NELL1: variants seen among roughly 807,000 people sequenced by gnomAD.
NELL1 encodes the protein protein kinase C-binding protein NELL1.
Under a neutral mutation model 107.4 loss-of-function variants are expected in NELL1, and 76 were observed. That is an observed-to-expected ratio of 0.71 (90% CI 0.59 to 0.86). NELL1 has a LOEUF of 0.86. Ranked by LOEUF, NELL1 falls within the 40% of genes least tolerant of loss-of-function variation. The pLI, the probability that NELL1 is intolerant of heterozygous loss-of-function variation, is 0.00. For synonymous variants in NELL1, 353 were observed against 341.2 expected, an observed-to-expected ratio of 1.03 and a Z score of -0.38; for missense variants, 1,024 against 1,005.5, an observed-to-expected ratio of 1.02 and a Z score of -0.25.
intron 7 of NELL1, among the ~76,000 whole-genome samples, chr11:20,923,056 C>T (rs745855979): frequency 2.0e-5 from 3 of 152,094 alleles, no homozygotes; most frequent in Non-Finnish European, 4.4e-5. Context: ...ATCACAAAGT[C>T]TGGTAGAGCC....
rs142121746 is a variant in NELL1 at position 21,267,394 on chromosome 11, A to G, written c.1549+37940A>G. Among the ~76,000 whole-genome samples, 739 of 152,232 alleles carry G rather than the reference A, an allele frequency of 4.9e-3. 7 individuals are homozygous for G. The highest frequency in any genetic ancestry group is 0.017 in the African/African-American group (707 of 41,562). ...AATTTAGTCTTCAAAATATAGTTCA[A>G]AATAGTTTTTATGTTAGATTAACCA... On this transcript the variant is annotated intron_variant, in intron 14 of 19. Transcript: ENST00000357134.
intron 15 of NELL1, among the ~76,000 whole-genome samples, chr11:21,469,034 G>T (rs768898473): frequency 2.6e-5 from 4 of 151,656 alleles, no homozygotes; most frequent in Non-Finnish European, 4.4e-5. Flanking sequence ...TGTTTTGCCA[G>T]ATTCAATTCA....
intron 12 of NELL1, among the ~76,000 whole-genome samples, chr11:21,069,677 T>A (rs913290386): frequency 6.6e-6 from 1 of 152,230 alleles, no homozygotes; most frequent in Non-Finnish European, 1.5e-5. Context: ...ACTAGATTTT[T>A]GGTTTGAAGT....
At chr11:21,083,158 T>C (rs1409752660) in intron 12 of NELL1, among the ~76,000 whole-genome samples, 1 of 152,134 alleles carries the variant, frequency 6.6e-6, no homozygotes, top group Non-Finnish European at 1.5e-5. Context: ...TCAGTATGTG[T>C]TTTTATGGGG....
rs1462698045 is a variant in NELL1 at position 21,107,347 on chromosome 11, CA to C, written c.1301-6239del. 3.3e-5 allele frequency among the ~76,000 whole-genome samples: 5 copies of C among 151,946 alleles called. No homozygotes were observed. In the East Asian group the frequency reaches 9.6e-4, roughly 29 times the overall value. On this transcript the variant is annotated intron_variant, in intron 12 of 19. Transcript: ENST00000357134. The stretch of plus-strand genomic sequence containing the variant: ...CAATTAAAAAAAAATCAGTATGACA[CA>C]AAGGGAAAGTAGTGATTGTTCTAAT...
chr11:21,291,197 C>T (rs1371507463), intron 14 of NELL1, among the ~76,000 whole-genome samples: 2 of 152,096 alleles, frequency 1.3e-5, no homozygotes, highest in Non-Finnish European at 2.9e-5. Flanking sequence ...GTGAAGCACA[C>T]ACAAGTATCA....
At chr11:21,393,638 C>A (rs1367210581) in intron 15 of NELL1, among the ~76,000 whole-genome samples, 2 of 151,664 alleles carry the variant, frequency 1.3e-5, no homozygotes, top group East Asian at 2.0e-4. Flanking sequence ...GACAGGAAAG[C>A]ATTGCTCTAA....
chr11:21,212,246 ATACT>A (rs1857513483), intron 13 of NELL1, among the ~76,000 whole-genome samples: 1 of 152,188 alleles, frequency 6.6e-6, no homozygotes, highest in South Asian at 2.1e-4. Flanking sequence ...GATGACAATA[ATACT>A]TAATTGATAT....
intron 3 of NELL1, among the ~76,000 whole-genome samples, chr11:20,812,398 T>C (rs1857519638): frequency 6.6e-6 from 1 of 152,216 alleles, no homozygotes; most frequent in Admixed American, 6.5e-5. Context: ...CTGTAGTTTA[T>C]GTTATTGTTT....
In NELL1 at chr11:21,523,099, G is replaced by C. The variant is rs184094939; in HGVS notation, c.1646-11275G>C. On this transcript the variant is annotated intron_variant, in intron 15 of 19. Coordinates refer to ENST00000357134, the MANE Select transcript of NELL1 (RefSeq NM_006157.5). Reference sequence around the variant, plus strand: ...CCTGACCTCGTGATCCGCCCGCCTCGGCATCCCAAAGAGCTGGGATTACAG... The same window carrying C: ...CCTGACCTCGTGATCCGCCCGCCTCCGCATCCCAAAGAGCTGGGATTACAG... 2.9e-4 allele frequency among the ~76,000 whole-genome samples: 44 copies of C among 151,848 alleles called. No individual in the cohort carries two copies. The South Asian group carries it at 6.7e-3, about 23-fold the overall frequency.
At chr11:21,156,066 G>A (rs895612022) in intron 13 of NELL1, among the ~76,000 whole-genome samples, 6 of 152,106 alleles carry the variant, frequency 3.9e-5, no homozygotes, top group African/African-American at 1.4e-4. Context: ...TGGGACAGGG[G>A]GCAGGATGCT....
intron 15 of NELL1, among the ~76,000 whole-genome samples, chr11:21,408,881 A>G (rs1278213941): frequency 1.3e-5 from 2 of 152,024 alleles, no homozygotes; most frequent in African/African-American, 2.4e-5. Flanking sequence ...CCACAATGAG[A>G]TACCATCTCA....
chr11:21,327,912 G>T lies in NELL1; in HGVS notation c.1550-42941G>T, dbSNP rs183214401. 1.2e-3 allele frequency among the ~76,000 whole-genome samples: 181 copies of T among 152,300 alleles called. 1 individual carries two copies. The highest frequency in any genetic ancestry group is 2.0e-3 in the Non-Finnish European group (134 of 68,018). On this transcript the variant is annotated intron_variant, in intron 14 of 19. Transcript: ENST00000357134. Reference sequence around the variant, plus strand: ...GTGGAACTTTGAACTCGGGAGAGATGATTTAGGGTATCTGGGGAAGAAATT... The same window carrying T: ...GTGGAACTTTGAACTCGGGAGAGATTATTTAGGGTATCTGGGGAAGAAATT...
intron 5 of NELL1, among the ~76,000 whole-genome samples, chr11:20,915,717 A>ATATATATATATATATATATATTTTTTTT: frequency 1.2e-4 from 7 of 58,216 alleles, no homozygotes; most frequent in African/African-American, 3.5e-4. Flanking sequence ...ATATATATAT[A>ATATATATATATATATATATATTTTTTTT]TTTTTTTTTT....
chr11:20,797,286 C>G (rs1034640697), intron 3 of NELL1, among the ~76,000 whole-genome samples: 1 of 151,264 alleles, frequency 6.6e-6, no homozygotes, highest in Admixed American at 6.6e-5. Flanking sequence ...GGTTGCTGGC[C>G]GGGCGCGGTG....
intron 13 of NELL1, among the ~76,000 whole-genome samples, chr11:21,202,961 C>G (rs551677194): frequency 6.6e-6 from 1 of 152,148 alleles, no homozygotes; most frequent in Non-Finnish European, 1.5e-5. Context: ...TTCCTGAGTT[C>G]TAGTTTGATT....
intron 13 of NELL1, among the ~76,000 whole-genome samples, chr11:21,209,201 T>A (rs1200305638): frequency 2.0e-5 from 3 of 152,046 alleles, no homozygotes; most frequent in African/African-American, 7.2e-5. Flanking sequence ...ATAAATAACA[T>A]GTCTTTCAGC....
chr11:21,137,984 A>G (rs1168686223), intron 13 of NELL1, among the ~76,000 whole-genome samples: 3 of 152,178 alleles, frequency 2.0e-5, no homozygotes, highest in African/African-American at 7.2e-5. Flanking sequence ...TTCTCCCTGG[A>G]GGGACCTTTG....
chr11:21,537,448 T>G (rs1856166987), intron 16 of NELL1, among the ~76,000 whole-genome samples: 1 of 152,172 alleles, frequency 6.6e-6, no homozygotes, highest in African/African-American at 2.4e-5. Context: ...TCTCTCTGTC[T>G]GGAGCTCTCA....
Sources: gnomAD v4.1 joint callset for allele counts (sites outside exome capture counted in the v4.1 genomes callset) on GRCh38, gnomAD v4.1.1 for gene constraint, MANE v1.5 for transcripts, NCBI Gene and HGNC (gene_info 2026-07-23, HGNC 2026-07-21) for gene names.